The following ELAC2 variants were observed in gnomAD, a reference collection of about 807,000 sequenced individuals.
The protein encoded by ELAC2 is elaC ribonuclease Z 2.
In ELAC2, 92 loss-of-function variants were observed where a neutral mutation model predicts 105.2. That is an observed-to-expected ratio of 0.87 (90% CI 0.74 to 1.04). The LOEUF (loss-of-function observed/expected upper bound fraction) is 1.04, where lower values mean the gene tolerates loss of function less well. Among genes scored for constraint, ELAC2 ranks in the 50% least tolerant of loss-of-function variants. The pLI, the probability that ELAC2 is intolerant of heterozygous loss-of-function variation, is 0.00. For synonymous variants in ELAC2, 468 were observed against 409.1 expected (o/e 1.14, Z -1.74); for missense variants, 1,099 against 1,071.7 (o/e 1.03, Z -0.36).
chr17:12,992,050 A>G lies in ELAC2; in HGVS notation c.*768T>C, dbSNP rs1192563493. 1.3e-5 allele frequency among the ~76,000 whole-genome samples: 2 copies of G among 152,172 alleles called. No homozygotes were observed. Among genetic ancestry groups the G allele is most frequent in the African/African-American group, 4.8e-5 (2 of 41,448 alleles). On this transcript the variant is annotated 3_prime_UTR_variant, in exon 24 of 24. Coordinates refer to ENST00000338034, the MANE Select transcript of ELAC2 (RefSeq NM_018127.7). The stretch of plus-strand genomic sequence containing the variant: ...ACAACACAGCAAATCTATTGTCTCC[A>G]CTTTTACCCAGAACCACCAGAAGAC...
Position 12,994,470 on chromosome 17 carries a change from G to T in ELAC2, c.2063C>A (p.Thr688Asn). 6.2e-7 allele frequency: 1 copy of T among 1,614,172 alleles called. No homozygotes were observed. The highest frequency in any genetic ancestry group is 8.5e-7 in the Non-Finnish European group (1 of 1,180,034). ...TTCCTCTTCCAAACCATCTTCCAGG[G>T]TGGCTTCATGTATCAGGAGGGTGGC... ...KDATLLIHEA[T>N]LEDGLEEEAV... The change falls in exon 22 of 24, where the codon ACC becomes AAC. Residue 688 changes from threonine to asparagine, a missense_variant. Physicochemically the swap from Thr to Asn is moderately conservative, Grantham distance 65. Transcript: ENST00000338034.
In ELAC2 at chr17:13,000,289, A is replaced by T; in HGVS notation, c.1305-15T>A. The T allele has an allele frequency of 6.2e-7, 1 of 1,611,734 alleles. No homozygotes were observed. The highest frequency in any genetic ancestry group is 1.1e-5 in the South Asian group (1 of 91,032). On this transcript the variant is annotated splice_polypyrimidine_tract_variant and intron_variant, in intron 14 of 23. Transcript: ENST00000338034. ...TAATGGCATCCCTGCAGGAAGAGAG[A>T]GAAGCATCTCAGGTGACGGACAGGG... is the stretch of plus-strand genomic sequence containing the variant.
intron 13 of ELAC2, 36 bp downstream of exon 13, chr17:13,002,405 G>C: frequency 1.9e-6 from 3 of 1,614,084 alleles, no homozygotes; most frequent in Non-Finnish European, 2.5e-6. Context: ...GAGGGGACGA[G>C]AGCTGGGCCG....
chr17:13,017,628 T>C lies in ELAC2; in HGVS notation c.245+75A>G, dbSNP rs1449644344. On this transcript the variant is annotated intron_variant, in intron 1 of 23. Coordinates refer to ENST00000338034, the MANE Select transcript of ELAC2 (RefSeq NM_018127.7). The stretch of plus-strand genomic sequence containing the variant: ...GTGTGAAGCAGGGAAGCCGAAGCCC[T>C]GGGAGGTGCCCCGATGCTCAGAGGC... The C allele has an allele frequency of 5.0e-6, 8 of 1,607,296 alleles. No homozygotes were observed. In the African/African-American group the frequency reaches 8.0e-5, roughly 16 times the overall value.
intron 3 of ELAC2, 46 bp from the exon 4 acceptor site, chr17:13,015,878 C>T (rs758789901): frequency 3.3e-5 from 49 of 1,485,100 alleles, no homozygotes; most frequent in African/African-American, 8.3e-5. Flanking sequence ...TTTGACCTGT[C>T]GTCACTAACA....
chr17:12,997,136 C>T lies in ELAC2; in HGVS notation c.1521-451G>A, dbSNP rs183920227. Among the ~76,000 whole-genome samples the T allele has an allele frequency of 4.9e-3, 748 of 152,266 alleles. 5 individuals carry two copies. The highest frequency in any genetic ancestry group is 0.017 in the African/African-American group (700 of 41,556). On this transcript the variant is annotated intron_variant, in intron 16 of 23. Transcript: ENST00000338034. ...GCAAGTGGTCGGGGTTTCCTCAGCT[C>T]ATGTCCTCAAAGACACCTGGTGCAG...
intron 8 of ELAC2, chr17:13,006,393 T>A (rs1181298953): frequency 4.2e-6 from 1 of 240,268 alleles, no homozygotes; most frequent in Non-Finnish European, 8.3e-6. Flanking sequence ...AAAAATAAAA[T>A]GATGTTGTTT....
intron 19 of ELAC2, 108 bp from the exon 20 acceptor site, chr17:12,995,170 C>T (rs2040408066): frequency 8.5e-7 from 1 of 1,170,486 alleles, no homozygotes. Flanking sequence ...TAGGAGAAAA[C>T]ATGAGTTAAA....
chr17:13,002,846 G>C (rs1455936778), intron 12 of ELAC2: 1 of 520,376 alleles, frequency 1.9e-6, no homozygotes, highest in African/African-American at 1.9e-5. Flanking sequence ...TACAAATAGG[G>C]GACCCAAACC....
Position 12,996,576 on chromosome 17 carries a change from C to T in ELAC2, c.1630G>A (p.Val544Met), listed in dbSNP as rs953832708. Residue 544 changes from valine to methionine, a missense_variant, in exon 17 of 24, where the codon GTG becomes ATG. Coordinates refer to ENST00000338034, the MANE Select transcript of ELAC2 (RefSeq NM_018127.7). ...RVLGTLAAVF[V>M]SHLHADHHTG... ...TGGTGATCTGCGTGCAGGTGGGACA[C>T]AAACACAGCAGCCAGGGTGCCCAGG... is the stretch of plus-strand genomic sequence containing the variant. 6 of 1,613,916 alleles carry T rather than the reference C, an allele frequency of 3.7e-6. No individual in the cohort carries two copies. Among genetic ancestry groups the T allele is most frequent in the Non-Finnish European group, 4.2e-6 (5 of 1,180,044 alleles).
At chr17:13,005,416 C>G (rs2041045515) in intron 10 of ELAC2, among the ~76,000 whole-genome samples, 2 of 152,308 alleles carry the variant, frequency 1.3e-5, no homozygotes, top group South Asian at 4.1e-4. Context: ...ACATAGAATA[C>G]TGTGGCATTC....
chr17:13,002,355 T>C lies in ELAC2; in HGVS notation c.1223A>G (p.Glu408Gly). The C allele has an allele frequency of 6.2e-7, 1 of 1,614,154 alleles. No individual in the cohort carries two copies. The highest frequency in any genetic ancestry group is 8.5e-7 in the Non-Finnish European group (1 of 1,180,034). The change falls in exon 14 of 24, where the codon GAG becomes GGG. Residue 408 changes from glutamate (E) to glycine (G), a missense_variant. By Grantham distance (98) the Glu-to-Gly change is moderately conservative. Coordinates refer to ENST00000338034, the MANE Select transcript of ELAC2 (RefSeq NM_018127.7). Reference protein sequence around the residue: ...PLLTSFRCKKEGPTLSVPMVQ... With the variant: ...PLLTSFRCKKGGPTLSVPMVQ... ...CATGGGCACACTGAGGGTGGGGCCC[T>C]CCTTCTGAAAGAGACAAAACACATT...
At position 13,017,863 on chromosome 17, in the gene ELAC2, G is replaced by T; in HGVS notation, c.85C>A (p.Arg29Ser). Residue 29 changes from arginine (R) to serine (S), a missense_variant, in exon 1 of 24, where the codon CGC (arginine) becomes AGC (serine). By Grantham distance (110) the Arg-to-Ser change is moderately radical. Transcript: ENST00000338034. ...AGCGGGTCCTTGCGCGGCCGCTCGC[G>T]GCGGGCGGGTGCCTGCGATATGGTG... ...GRTISQAPAR[R>S]ERPRKDPLRH... 1 of 1,556,764 alleles carries T rather than the reference G, an allele frequency of 6.4e-7. No individual in the cohort carries two copies.
Position 12,998,398 on chromosome 17 carries a change from G to C in ELAC2, c.1520+14C>G, listed in dbSNP as rs1192123393. 1 of 1,610,400 alleles carries C rather than the reference G, an allele frequency of 6.2e-7. No individual in the cohort carries two copies. Among genetic ancestry groups the C allele is most frequent in the East Asian group, 2.2e-5 (1 of 44,868 alleles). ...GCCCTTGATGGAAGGATGCTTCCTG[G>C]GAAAGCAGCATACCTTATGTTGACA... On this transcript the variant is annotated intron_variant, in intron 16 of 23. Coordinates refer to ENST00000338034, the MANE Select transcript of ELAC2 (RefSeq NM_018127.7).
intron 8 of ELAC2, among the ~76,000 whole-genome samples, chr17:13,010,197 G>A (rs931342215): frequency 6.6e-6 from 1 of 151,738 alleles, no homozygotes; most frequent in Non-Finnish European, 1.5e-5. Flanking sequence ...CTTTGAGAGA[G>A]TCTTGCTCTG....
intron 11 of ELAC2, among the ~76,000 whole-genome samples, chr17:13,004,510 T>C (rs185737800): frequency 7.9e-5 from 12 of 152,278 alleles, no homozygotes; most frequent in Admixed American, 2.6e-4. Flanking sequence ...TTAACTTCGA[T>C]AGAGGACAAC....
chr17:12,997,570 C>T (rs1218541958), intron 16 of ELAC2, among the ~76,000 whole-genome samples: 1 of 152,132 alleles, frequency 6.6e-6, no homozygotes, highest in Non-Finnish European at 1.5e-5. Flanking sequence ...AGGATCTCAG[C>T]CCCCGGGAGA....
At chr17:13,008,674 G>A (rs2143644830) in intron 8 of ELAC2, among the ~76,000 whole-genome samples, 1 of 152,278 alleles carries the variant, frequency 6.6e-6, no homozygotes, top group Middle Eastern at 3.4e-3. Flanking sequence ...CAGTGCACCA[G>A]CTGCCCAAAG....
chr17:13,008,578 C>G (rs2041240253), intron 8 of ELAC2, among the ~76,000 whole-genome samples: 1 of 152,168 alleles, frequency 6.6e-6, no homozygotes, highest in Non-Finnish European at 1.5e-5. Context: ...GAGCTGAACT[C>G]AACCCATGGA....
Sources: gnomAD v4.1 joint callset for allele counts (sites outside exome capture counted in the v4.1 genomes callset) on GRCh38, gnomAD v4.1.1 for gene constraint, MANE v1.5 for transcripts, NCBI Gene and HGNC (gene_info 2026-07-23, HGNC 2026-07-21) for gene names.